CCDC192: variants seen among roughly 807,000 people sequenced by gnomAD.
The protein encoded by CCDC192 is coiled-coil domain-containing protein 192.
At chr5:127,834,031 A>G (rs1304056167) in intron 5 of CCDC192, among the ~76,000 whole-genome samples, 1 of 152,174 alleles carries the variant, frequency 6.6e-6, no homozygotes, top group Non-Finnish European at 1.5e-5. Context: ...CAATTGAGCT[A>G]CAAAAAAGCC....
chr5:127,781,346 G>GT (rs1457434343), intron 3 of CCDC192, among the ~76,000 whole-genome samples: 2 of 152,054 alleles, frequency 1.3e-5, no homozygotes, highest in African/African-American at 4.8e-5. Flanking sequence ...CTTTAGAATT[G>GT]TTTTTTCTAA....
At chr5:127,928,906 C>T (rs12173229) in intron 6 of CCDC192, among the ~76,000 whole-genome samples, 15,166 of 151,990 alleles carry the variant, frequency 0.1, 1,526 homozygotes, top group East Asian at 0.3. Context: ...GCTGGGACTA[C>T]AGGCACCTTG....
rs143681791 is a variant in CCDC192 at position 127,918,068 on chromosome 5, T to A, written c.536-23114T>A. On this transcript the variant is annotated intron_variant, in intron 6 of 6. Coordinates refer to ENST00000514853, the MANE Select transcript of CCDC192 (RefSeq NM_001317938.2). ...GAGGATCACGTGAGTCCAGGAGGTC[T>A]AGGCTGCCATGAGCTGAGATCGCAC... Among the ~76,000 whole-genome samples the A allele has an allele frequency of 4.5e-3, 677 of 152,070 alleles. 6 individuals carry two copies. The highest frequency in any genetic ancestry group is 0.016 in the African/African-American group (658 of 41,450).
intron 2 of CCDC192, among the ~76,000 whole-genome samples, chr5:127,738,921 C>T (rs7701564): frequency 0.47 from 70,467 of 149,678 alleles, 17,325 homozygotes; most frequent in African/African-American, 0.61. Context: ...AGCCTTCTTC[C>T]CTCAGCTCGT....
At chr5:127,751,781 T>C (rs1580593859) in intron 2 of CCDC192, among the ~76,000 whole-genome samples, 1 of 152,210 alleles carries the variant, frequency 6.6e-6, no homozygotes, top group Non-Finnish European at 1.5e-5. Flanking sequence ...TCTTTTCACA[T>C]AGTCCCATAT....
At chr5:127,933,667 A>G (rs1754112574) in intron 6 of CCDC192, among the ~76,000 whole-genome samples, 1 of 152,172 alleles carries the variant, frequency 6.6e-6, no homozygotes, top group South Asian at 2.1e-4. Flanking sequence ...GTGGAGTACT[A>G]GGGTCTGAAT....
intron 5 of CCDC192, among the ~76,000 whole-genome samples, chr5:127,828,369 C>A (rs1340120437): frequency 1.3e-5 from 2 of 152,332 alleles, no homozygotes; most frequent in Non-Finnish European, 2.9e-5. Context: ...ATGCATCACA[C>A]CTTTAGAGTC....
upstream of CCDC192, chr5:127,703,367 A>G: frequency 2.5e-6 from 1 of 398,720 alleles, no homozygotes; most frequent in Non-Finnish European, 4.4e-6. Flanking sequence ...GAGCAATAGC[A>G]GGGATTCTAA....
intron 5 of CCDC192, among the ~76,000 whole-genome samples, chr5:127,834,254 G>T (rs1180675951): frequency 6.6e-6 from 1 of 152,102 alleles, no homozygotes; most frequent in African/African-American, 2.4e-5. Context: ...CCCACAATTT[G>T]TTGCCCTAGA....
chr5:127,857,341 A>C (rs977657736), intron 5 of CCDC192, among the ~76,000 whole-genome samples: 9 of 152,066 alleles, frequency 5.9e-5, no homozygotes, highest in African/African-American at 2.2e-4. Context: ...ACCAGCACCA[A>C]ACCCTGTTAA....
At chr5:127,870,901 A>G (rs1053205751) in intron 5 of CCDC192, among the ~76,000 whole-genome samples, 4 of 152,272 alleles carry the variant, frequency 2.6e-5, no homozygotes, top group Non-Finnish European at 4.4e-5. Context: ...GGAAGAACCT[A>G]TGTATACCTT....
intron 5 of CCDC192, among the ~76,000 whole-genome samples, chr5:127,824,324 C>A (rs1749426170): frequency 6.6e-6 from 1 of 152,134 alleles, no homozygotes; most frequent in Non-Finnish European, 1.5e-5. Context: ...TGCTCAATGT[C>A]CCATGAAATC....
intron 5 of CCDC192, among the ~76,000 whole-genome samples, chr5:127,801,643 C>T (rs745766108): frequency 1.5e-4 from 23 of 152,192 alleles, no homozygotes; most frequent in Non-Finnish European, 3.2e-4. Flanking sequence ...TCTGTCCTTG[C>T]AAGACTCAAG....
At chr5:127,805,315 G>A (rs1374759945) in intron 5 of CCDC192, among the ~76,000 whole-genome samples, 2 of 152,092 alleles carry the variant, frequency 1.3e-5, no homozygotes, top group Admixed American at 6.5e-5. Context: ...GAGAGTCAAA[G>A]ACACAAAAAT....
chr5:127,735,515 G>A (rs1454887906), intron 2 of CCDC192, among the ~76,000 whole-genome samples: 1 of 90,844 alleles, frequency 1.1e-5, no homozygotes, highest in Non-Finnish European at 2.3e-5. Context: ...AAATTACCTT[G>A]GGCAGTATGG....
intron 5 of CCDC192, among the ~76,000 whole-genome samples, chr5:127,808,232 C>A (rs1040318189): frequency 5.3e-5 from 8 of 152,182 alleles, no homozygotes; most frequent in Admixed American, 2.6e-4. Context: ...ATTGTGTGAA[C>A]CTTCCCTCTT....
intron 5 of CCDC192, among the ~76,000 whole-genome samples, chr5:127,836,540 C>G (rs1456860338): frequency 6.6e-6 from 1 of 152,214 alleles, no homozygotes; most frequent in Non-Finnish European, 1.5e-5. Context: ...GACTTCACCC[C>G]TGAAACAGAC....
At chr5:127,771,490 C>G (rs1755548771) in intron 3 of CCDC192, among the ~76,000 whole-genome samples, 1 of 152,148 alleles carries the variant, frequency 6.6e-6, no homozygotes, top group Non-Finnish European at 1.5e-5. Flanking sequence ...CAGTGGACAC[C>G]TTTCATTCAT....
intron 3 of CCDC192, among the ~76,000 whole-genome samples, chr5:127,764,374 T>G (rs1755098768): frequency 6.6e-6 from 1 of 152,194 alleles, no homozygotes. Context: ...TGGTGATTAA[T>G]TAAATGTAGA....
Sources: gnomAD v4.1 joint callset for allele counts (sites outside exome capture counted in the v4.1 genomes callset) on GRCh38, gnomAD v4.1.1 for gene constraint, MANE v1.5 for transcripts, NCBI Gene and HGNC (gene_info 2026-07-23, HGNC 2026-07-21) for gene names.